ZBTB20: variants seen among roughly 807,000 people sequenced by gnomAD.
The protein encoded by ZBTB20 is zinc finger and BTB domain containing 20, also known as zinc finger and BTB domain-containing protein 20.
ZBTB20 carries 9 observed loss-of-function variants against 56.9 expected under a neutral mutation model. The ratio of observed to expected loss-of-function variants is 0.16; its 90% CI spans 0.10 to 0.28. The LOEUF is 0.28. ZBTB20 is among the 10% of genes least tolerant of loss of function. ZBTB20 has a pLI of 1.00. For missense variants in ZBTB20, 655 were observed against 1,003.0 expected, an observed-to-expected ratio of 0.65 and a Z score of 4.69; for synonymous variants, 417 against 420.7, an observed-to-expected ratio of 0.99 and a Z score of 0.11.
At chr3:114,767,368 T>A (rs2068858391) in intron 5 of ZBTB20, among the ~76,000 whole-genome samples, 1 of 151,864 alleles carries the variant, frequency 6.6e-6, no homozygotes, top group Non-Finnish European at 1.5e-5. Context: ...GGGATGGTGA[T>A]AAAATGAATA....
At chr3:114,937,463 C>A (rs868386143) in intron 3 of ZBTB20, among the ~76,000 whole-genome samples, 38 of 151,674 alleles carry the variant, frequency 2.5e-4, no homozygotes, top group Middle Eastern at 3.4e-3. Flanking sequence ...GCTCTGTTGC[C>A]CATGCTGGAG....
chr3:114,846,424 G>A (rs1042405763), intron 4 of ZBTB20, among the ~76,000 whole-genome samples: 15 of 152,210 alleles, frequency 9.9e-5, no homozygotes, highest in African/African-American at 3.6e-4. Flanking sequence ...CTAGCTGCAA[G>A]CAGCCTGACA....
intron 7 of ZBTB20, among the ~76,000 whole-genome samples, chr3:114,479,116 G>A (rs2041230309): frequency 6.6e-6 from 1 of 151,850 alleles, no homozygotes; most frequent in Non-Finnish European, 1.5e-5. Flanking sequence ...GAAGAAGGAA[G>A]GAGTTTTTGT....
chr3:114,665,766 A>G (rs940035871), intron 6 of ZBTB20, among the ~76,000 whole-genome samples: 11 of 152,060 alleles, frequency 7.2e-5, no homozygotes, highest in Admixed American at 7.2e-4. Flanking sequence ...AATTCATTGA[A>G]CATGAGAAAA....
At chr3:114,435,656 AC>A (rs1205907122) in intron 7 of ZBTB20, among the ~76,000 whole-genome samples, 2 of 152,226 alleles carry the variant, frequency 1.3e-5, no homozygotes, top group African/African-American at 2.4e-5. Flanking sequence ...ACAGAAAAAA[AC>A]AAAACAACAA....
chr3:114,934,381 G>A (rs181807632), intron 3 of ZBTB20, among the ~76,000 whole-genome samples: 4 of 152,172 alleles, frequency 2.6e-5, no homozygotes, highest in East Asian at 1.9e-4. Flanking sequence ...TTCTGAAATC[G>A]CTCATTCCTT....
At chr3:114,536,563 C>T (rs575284952) in intron 6 of ZBTB20, among the ~76,000 whole-genome samples, 1 of 152,152 alleles carries the variant, frequency 6.6e-6, no homozygotes, top group East Asian at 1.9e-4. Flanking sequence ...GCCATACTGC[C>T]CAAAGTAATT....
At chr3:114,745,245 C>T (rs961457443) in intron 5 of ZBTB20, among the ~76,000 whole-genome samples, 1 of 152,116 alleles carries the variant, frequency 6.6e-6, no homozygotes, top group Non-Finnish European at 1.5e-5. Context: ...ACACCAGACC[C>T]GTCCAACAGT....
intron 7 of ZBTB20, among the ~76,000 whole-genome samples, chr3:114,467,764 T>A (rs750816793): frequency 6.6e-6 from 1 of 152,254 alleles, no homozygotes; most frequent in Admixed American, 6.5e-5. Flanking sequence ...TGATTTTAAT[T>A]CAAAAGATAA....
At chr3:114,379,241 T>TTA (rs2084025621) in intron 10 of ZBTB20, 1 of 152,254 alleles carries the variant, frequency 6.6e-6, no homozygotes, top group African/African-American at 2.4e-5. Flanking sequence ...TTTGCAGGTC[T>TTA]TATGTTACTC....
At chr3:115,019,052 A>G (rs1021694017) in intron 2 of ZBTB20, among the ~76,000 whole-genome samples, 2 of 151,214 alleles carry the variant, frequency 1.3e-5, no homozygotes, top group African/African-American at 4.8e-5. Flanking sequence ...TTTGTACCCG[A>G]CATCAATTTA....
At chr3:114,562,447 G>C (rs547414021) in intron 6 of ZBTB20, among the ~76,000 whole-genome samples, 1 of 152,264 alleles carries the variant, frequency 6.6e-6, no homozygotes, top group Non-Finnish European at 1.5e-5. Flanking sequence ...ACAGGAGTGA[G>C]CCACCGCTCC....
intron 1 of ZBTB20, among the ~76,000 whole-genome samples, chr3:115,126,920 T>C (rs1326289715): frequency 6.6e-6 from 1 of 152,162 alleles, no homozygotes; most frequent in Non-Finnish European, 1.5e-5. Flanking sequence ...CATGGAAAAA[T>C]GACTATGAAC....
chr3:114,487,791 T>C (rs2042298102), intron 7 of ZBTB20, among the ~76,000 whole-genome samples: 1 of 152,324 alleles, frequency 6.6e-6, no homozygotes, highest in Non-Finnish European at 1.5e-5. Flanking sequence ...CTGAAGAATA[T>C]TCCATTTCAT....
intron 2 of ZBTB20, among the ~76,000 whole-genome samples, chr3:115,000,809 T>C (rs1419117238): frequency 6.6e-6 from 1 of 151,566 alleles, no homozygotes; most frequent in Non-Finnish European, 1.5e-5. Flanking sequence ...ATTATATATT[T>C]TTAAAGAAAA....
chr3:114,719,678 T>A (rs1350184659), intron 5 of ZBTB20, among the ~76,000 whole-genome samples: 1 of 152,126 alleles, frequency 6.6e-6, no homozygotes, highest in Non-Finnish European at 1.5e-5. Flanking sequence ...CAGAAGGCTT[T>A]TCTGTACCGG....
chr3:114,921,897 CAAGAA>C (rs1327658727), intron 3 of ZBTB20, among the ~76,000 whole-genome samples: 1 of 151,868 alleles, frequency 6.6e-6, no homozygotes, highest in East Asian at 1.9e-4. Flanking sequence ...AAGAGTGCTA[CAAGAA>C]AAGAAAATTA....
intron 6 of ZBTB20, 140 bp downstream of exon 6, chr3:114,693,388 T>C (rs1010813704): frequency 6.6e-6 from 1 of 152,152 alleles, no homozygotes; most frequent in Non-Finnish European, 1.5e-5. Flanking sequence ...TCTGTCAAAA[T>C]TTAGTATTGC....
chr3:114,623,102 A>G (rs1478676699), intron 6 of ZBTB20, among the ~76,000 whole-genome samples: 1 of 152,202 alleles, frequency 6.6e-6, no homozygotes, highest in Non-Finnish European at 1.5e-5. Flanking sequence ...TGAAATAGAA[A>G]GAAGATGAGA....
Sources: gnomAD v4.1 joint callset for allele counts (sites outside exome capture counted in the v4.1 genomes callset) on GRCh38, gnomAD v4.1.1 for gene constraint, MANE v1.5 for transcripts, NCBI Gene and HGNC (gene_info 2026-07-23, HGNC 2026-07-21) for gene names.